Variants in PAK5 observed in about 807,000 individuals in gnomAD.
The protein encoded by PAK5 is serine/threonine-protein kinase PAK 5.
In PAK5, 16 loss-of-function variants were observed where a neutral mutation model predicts 65.9. The ratio of observed to expected loss-of-function variants is 0.24; its 90% CI spans 0.16 to 0.37. The LOEUF is 0.37. PAK5 is among the 10% of genes least tolerant of loss of function. PAK5 has a pLI of 1.00. For synonymous variants in PAK5, 371 were observed against 354.9 expected (o/e 1.05, Z -0.51); for missense variants, 785 against 903.9 (o/e 0.87, Z 1.69).
intron 3 of PAK5, among the ~76,000 whole-genome samples, chr20:9,637,662 C>T (rs1297743061): frequency 6.6e-6 from 1 of 151,914 alleles, no homozygotes; most frequent in Non-Finnish European, 1.5e-5. Flanking sequence ...ATTTTCTACA[C>T]ATCAGTGTGA....
chr20:9,767,646 C>A (rs1312423424), intron 1 of PAK5, among the ~76,000 whole-genome samples: 3 of 152,074 alleles, frequency 2.0e-5, no homozygotes, highest in African/African-American at 4.8e-5. Flanking sequence ...CTGTAGAGTA[C>A]CTCTTGGATA....
At chr20:9,659,433 C>A (rs1257673075) in intron 2 of PAK5, among the ~76,000 whole-genome samples, 1 of 152,170 alleles carries the variant, frequency 6.6e-6, no homozygotes, top group Non-Finnish European at 1.5e-5. Context: ...TTCATATGGG[C>A]AACTGCAATG....
chr20:9,651,401 T>C (rs2047201387), intron 2 of PAK5, among the ~76,000 whole-genome samples: 1 of 152,152 alleles, frequency 6.6e-6, no homozygotes, highest in Non-Finnish European at 1.5e-5. Flanking sequence ...TCACATCAGG[T>C]GGACACGCAG....
Position 9,662,775 on chromosome 20 carries a change from AT to A in PAK5, c.-11-18437del, listed in dbSNP as rs901672539. ...TGGGCATTACTCTAATATACTTATC[AT>A]TTTTTTTTCTGATAACAACACTATG... On this transcript the variant is annotated intron_variant, in intron 2 of 9. Transcript: ENST00000353224. 1.5e-4 allele frequency among the ~76,000 whole-genome samples: 23 copies of A among 151,136 alleles called. No individual in the cohort carries two copies. The East Asian group carries it at 1.7e-3, about 11-fold the overall frequency.
At chr20:9,608,987 G>A (rs749395919) in intron 3 of PAK5, among the ~76,000 whole-genome samples, 25 of 152,196 alleles carry the variant, frequency 1.6e-4, no homozygotes, top group Non-Finnish European at 3.5e-4. Flanking sequence ...TGCAGATTTC[G>A]TGAATTAGTG....
intron 2 of PAK5, among the ~76,000 whole-genome samples, chr20:9,665,744 T>G (rs370505113): frequency 6.6e-6 from 1 of 151,864 alleles, no homozygotes; most frequent in Non-Finnish European, 1.5e-5. Context: ...TCCTCCTACC[T>G]TGGCCTCCTA....
At chr20:9,557,072 T>C (rs931580769) in intron 7 of PAK5, among the ~76,000 whole-genome samples, 1 of 152,178 alleles carries the variant, frequency 6.6e-6, no homozygotes, top group Non-Finnish European at 1.5e-5. Flanking sequence ...CCTCACCACT[T>C]CAGGCATGGG....
At chr20:9,828,435 C>G (rs1251595420) in intron 1 of PAK5, among the ~76,000 whole-genome samples, 2 of 152,114 alleles carry the variant, frequency 1.3e-5, no homozygotes, top group Non-Finnish European at 2.9e-5. Context: ...AATCCCCCTC[C>G]TCCGTCAGTG....
intron 1 of PAK5, among the ~76,000 whole-genome samples, chr20:9,740,246 G>C (rs1450432154): frequency 6.6e-6 from 1 of 152,110 alleles, no homozygotes; most frequent in African/African-American, 2.4e-5. Flanking sequence ...GATTAGAAGG[G>C]AGCCTGGCAG....
At chr20:9,584,048 A>G (rs564628042) in intron 3 of PAK5, among the ~76,000 whole-genome samples, 1 of 152,266 alleles carries the variant, frequency 6.6e-6, no homozygotes, top group African/African-American at 2.4e-5. Flanking sequence ...TTGATTGCCA[A>G]AGTAGGGGAT....
intron 2 of PAK5, among the ~76,000 whole-genome samples, chr20:9,651,367 C>T (rs8120433): frequency 0.047 from 7,228 of 152,260 alleles, 545 homozygotes; most frequent in African/African-American, 0.16. Context: ...CAGGTCCAAT[C>T]AGTGGCTGAA....
chr20:9,708,606 T>C (rs1343791042), intron 2 of PAK5, among the ~76,000 whole-genome samples: 1 of 152,112 alleles, frequency 6.6e-6, no homozygotes. Flanking sequence ...TTGGCAGTTA[T>C]CATCATTGTG....
chr20:9,739,312 C>G (rs991611021), intron 1 of PAK5, among the ~76,000 whole-genome samples: 8 of 150,998 alleles, frequency 5.3e-5, no homozygotes, highest in Admixed American at 1.3e-4. Context: ...ATAGAAATAA[C>G]CAAACATTCC....
chr20:9,829,207 A>G (rs971649930), intron 1 of PAK5, among the ~76,000 whole-genome samples: 1 of 152,242 alleles, frequency 6.6e-6, no homozygotes, highest in Non-Finnish European at 1.5e-5. Flanking sequence ...AAGGCAGTCC[A>G]TTCATTTACT....
chr20:9,549,005 G>A (rs1377131727), intron 7 of PAK5, among the ~76,000 whole-genome samples: 1 of 152,108 alleles, frequency 6.6e-6, no homozygotes, highest in Non-Finnish European at 1.5e-5. Context: ...ATCAACCCCA[G>A]AGGACTCAGA....
chr20:9,570,033 G>A (rs1303754325), intron 4 of PAK5, among the ~76,000 whole-genome samples: 1 of 151,710 alleles, frequency 6.6e-6, no homozygotes, highest in Admixed American at 6.6e-5. Context: ...CTGAGTCTTA[G>A]TTTCCTTCTG....
At chr20:9,694,172 G>A (rs2123441898) in intron 2 of PAK5, among the ~76,000 whole-genome samples, 1 of 152,056 alleles carries the variant, frequency 6.6e-6, no homozygotes, top group Admixed American at 6.6e-5. Flanking sequence ...TGGACTGATA[G>A]CTGCAAAAAA....
chr20:9,545,554 T>C (rs2122898449), intron 7 of PAK5, among the ~76,000 whole-genome samples: 1 of 152,286 alleles, frequency 6.6e-6, no homozygotes, highest in Non-Finnish European at 1.5e-5. Context: ...TCTTCACACC[T>C]CTCTGAACTT....
At chr20:9,550,463 T>G (rs2045409825) in intron 7 of PAK5, among the ~76,000 whole-genome samples, 1 of 152,104 alleles carries the variant, frequency 6.6e-6, no homozygotes, top group Non-Finnish European at 1.5e-5. Flanking sequence ...CATGCTTGTC[T>G]TTCCTCCCAC....
Sources: allele counts gnomAD v4.1 joint callset (sites outside exome capture counted in the v4.1 genomes callset), GRCh38; gene constraint gnomAD v4.1.1; transcripts MANE v1.5; gene names NCBI Gene and HGNC (gene_info 2026-07-23, HGNC 2026-07-21).